The following PDE1A variants were observed in gnomAD, a reference collection of about 807,000 sequenced individuals.
PDE1A encodes dual specificity calcium/calmodulin-dependent 3',5'-cyclic nucleotide phosphodiesterase 1A.
PDE1A carries 35 observed loss-of-function variants against 61.7 expected under a neutral mutation model. The ratio of observed to expected loss-of-function variants is 0.57; its 90% CI spans 0.43 to 0.75. The LOEUF is 0.75. Ranked by LOEUF, PDE1A falls within the 30% of genes least tolerant of loss-of-function variation. The probability of loss-of-function intolerance (pLI) is 0.00; values close to 1 mark genes in which losing one functional copy is unlikely to be tolerated. For synonymous variants in PDE1A, 232 were observed against 213.2 expected (o/e 1.09, Z -0.77); for missense variants, 597 against 630.6 (o/e 0.95, Z 0.57).
At chr2:182,311,873 A>G (rs1401267558) in intron 1 of PDE1A, among the ~76,000 whole-genome samples, 1 of 152,154 alleles carries the variant, frequency 6.6e-6, no homozygotes, top group Non-Finnish European at 1.5e-5. Flanking sequence ...AAGTGACTGT[A>G]CTATTTTGTA....
At chr2:182,349,937 C>T (rs1698764373) in intron 1 of PDE1A, among the ~76,000 whole-genome samples, 1 of 152,000 alleles carries the variant, frequency 6.6e-6, no homozygotes. Context: ...AACATACATA[C>T]AGAAAATGCA....
At chr2:182,676,205 AAC>A in the PDE1A span, among the ~76,000 whole-genome samples, 2 of 152,150 alleles carry the variant, frequency 1.3e-5, no homozygotes, top group Admixed American at 1.3e-4. Context: ...GATCCAAATA[AAC>A]ACAATTAGAA....
chr2:182,626,886 C>T, the PDE1A span, among the ~76,000 whole-genome samples: 144 of 44,658 alleles, frequency 3.2e-3, 1 homozygote, highest in African/African-American at 4.6e-3. Flanking sequence ...TATATATACA[C>T]ATATATATAT....
the PDE1A span, among the ~76,000 whole-genome samples, chr2:182,666,823 A>G: frequency 8.5e-5 from 13 of 152,094 alleles, no homozygotes; most frequent in Middle Eastern, 3.2e-3. Flanking sequence ...ACAGTATAGC[A>G]GGTTTGGAGT....
the PDE1A span, among the ~76,000 whole-genome samples, chr2:182,701,459 C>T: frequency 8.4e-6 from 1 of 118,840 alleles, no homozygotes; most frequent in African/African-American, 2.5e-5. Context: ...CAGCTCAATG[C>T]AACTTGCACC....
At chr2:182,337,351 ATACT>A (rs577670580) in intron 1 of PDE1A, among the ~76,000 whole-genome samples, 26 of 152,342 alleles carry the variant, frequency 1.7e-4, no homozygotes, top group Admixed American at 3.9e-4. Flanking sequence ...TATATGAAAC[ATACT>A]TAGTTAACCA....
chr2:182,375,842 C>T (rs1700372011), intron 1 of PDE1A, among the ~76,000 whole-genome samples: 1 of 152,216 alleles, frequency 6.6e-6, no homozygotes, highest in African/African-American at 2.4e-5. Flanking sequence ...GTTCCCAAAC[C>T]CCAATTCTTC....
intron 13 of PDE1A, among the ~76,000 whole-genome samples, chr2:182,178,888 A>G (rs938732638): frequency 6.6e-6 from 1 of 152,086 alleles, no homozygotes; most frequent in Non-Finnish European, 1.5e-5. Context: ...GATACCAGCC[A>G]AAAACCAATG....
At chr2:182,360,494 C>T (rs1436651848) in intron 1 of PDE1A, among the ~76,000 whole-genome samples, 6 of 147,870 alleles carry the variant, frequency 4.1e-5, no homozygotes, top group East Asian at 4.0e-4. Flanking sequence ...ATCCCTTATT[C>T]ATGTTAGGTT....
intron 13 of PDE1A, among the ~76,000 whole-genome samples, chr2:182,159,502 C>T (rs1691263995): frequency 1.3e-5 from 2 of 152,324 alleles, no homozygotes; most frequent in African/African-American, 4.8e-5. Flanking sequence ...GCAGTTCACT[C>T]GACTGATTGA....
intron 1 of PDE1A, among the ~76,000 whole-genome samples, chr2:182,346,625 C>T (rs370344767): frequency 1.3e-5 from 2 of 150,352 alleles, no homozygotes; most frequent in East Asian, 3.9e-4. Context: ...CCCATCTCGA[C>T]ACCTGCAACA....
intron 2 of PDE1A, chr2:182,463,691 G>A (rs1686461209): frequency 6.6e-6 from 1 of 152,068 alleles, no homozygotes; most frequent in South Asian, 2.1e-4. Context: ...CATTTTGCAA[G>A]GCAAAAATTT....
intron 2 of PDE1A, among the ~76,000 whole-genome samples, chr2:182,509,099 ATCT>A: frequency 6.6e-6 from 1 of 152,184 alleles, no homozygotes; most frequent in Admixed American, 6.5e-5. Flanking sequence ...TTAAAAAAAA[ATCT>A]TCTGAAATGG....
the PDE1A span, among the ~76,000 whole-genome samples, chr2:182,575,077 G>A: frequency 1.7e-4 from 26 of 152,202 alleles, no homozygotes; most frequent in African/African-American, 6.0e-4. Flanking sequence ...CTTCTTCTAC[G>A]ACCCATTCTG....
At chr2:182,626,748 C>CAT in the PDE1A span, among the ~76,000 whole-genome samples, 3 of 16,606 alleles carry the variant, frequency 1.8e-4, 1 homozygote, top group Non-Finnish European at 4.1e-4. Context: ...CATATATATA[C>CAT]ATATATATAT....
the PDE1A span, among the ~76,000 whole-genome samples, chr2:182,692,671 A>AT: frequency 6.8e-6 from 1 of 148,076 alleles, no homozygotes; most frequent in African/African-American, 2.5e-5. Context: ...AGTATAATAA[A>AT]AATATATATA....
At chr2:182,522,324 T>C in exon 2 of PDE1A, 1 of 1,613,716 alleles carries the variant, frequency 6.2e-7, no homozygotes, top group Non-Finnish European at 8.5e-7. Context: ...TCCTGTAAGA[T>C]ACTTAAAAGT....
Position 182,214,445 on chromosome 2 carries a change from C to T in PDE1A, c.777-8380G>A, listed in dbSNP as rs935370695. Among the ~76,000 whole-genome samples, 6 of 151,584 alleles carry T rather than the reference C, an allele frequency of 4.0e-5. 1 individual carries two copies. The highest frequency in any genetic ancestry group is 5.9e-5 in the Non-Finnish European group (4 of 67,940). ...ACTTTAAATGTAAATGGACTAAATG[C>T]TCCAATGAAAAGACACAGACTGGCA... On this transcript the variant is annotated intron_variant, in intron 7 of 13. Coordinates refer to ENST00000351439, the Ensembl canonical transcript of PDE1A.
chr2:182,446,430 G>T (rs1685139180), intron 2 of PDE1A, among the ~76,000 whole-genome samples: 2 of 152,094 alleles, frequency 1.3e-5, no homozygotes, highest in African/African-American at 4.8e-5. Flanking sequence ...AAATTTTACT[G>T]CCATTAAACA....
Sources: allele counts gnomAD v4.1 joint callset (sites outside exome capture counted in the v4.1 genomes callset), GRCh38; gene constraint gnomAD v4.1.1; transcripts MANE v1.5; gene names NCBI Gene and HGNC (gene_info 2026-07-23, HGNC 2026-07-21).